RIMS2: variants seen among roughly 807,000 people sequenced by gnomAD.
RIMS2 encodes the protein regulating synaptic membrane exocytosis 2.
RIMS2 carries 59 observed loss-of-function variants against 174.4 expected under a neutral mutation model. The ratio of observed to expected loss-of-function variants is 0.34; its 90% CI spans 0.27 to 0.42. The LOEUF (loss-of-function observed/expected upper bound fraction) is 0.42, where lower values mean the gene tolerates loss of function less well. Ranked by LOEUF, RIMS2 falls within the 10% of genes least tolerant of loss-of-function variation. RIMS2 has a pLI of 1.00. For missense variants in RIMS2, 1,620 were observed against 1,666.3 expected, an observed-to-expected ratio of 0.97 and a Z score of 0.48; for synonymous variants, 606 against 572.5, an observed-to-expected ratio of 1.06 and a Z score of -0.84.
Position 104,079,590 on chromosome 8 carries a change from T to G in RIMS2, c.3334+64975T>G, listed in dbSNP as rs1409546665. On this transcript the variant is annotated intron_variant, in intron 19 of 23. Coordinates refer to ENST00000504942, the Ensembl canonical transcript of RIMS2. ...ATCAAATTTCACATAACTGAAAGGATTAAGCATGATATATATATATATATA... is the reference window on the plus strand; with the variant it reads ...ATCAAATTTCACATAACTGAAAGGAGTAAGCATGATATATATATATATATA... Among the ~76,000 whole-genome samples the G allele has an allele frequency of 2.7e-5, 3 of 111,088 alleles. No homozygotes were observed. The Admixed American group carries it at 3.3e-4, about 12-fold the overall frequency. 72.9% of individuals were successfully genotyped at this position (111,088 alleles called of 152,430 possible). A position where few individuals can be genotyped will look rare whatever the true frequency, so the allele number is the denominator to read the frequency against.
intron 2 of RIMS2, among the ~76,000 whole-genome samples, chr8:103,738,344 A>C (rs1591396996): frequency 6.6e-6 from 1 of 152,194 alleles, no homozygotes; most frequent in Non-Finnish European, 1.5e-5. Flanking sequence ...GAAAGCTGAA[A>C]ATGGATCCCT....
chr8:104,020,675 TC>T (rs946079785), intron 19 of RIMS2, among the ~76,000 whole-genome samples: 1 of 151,946 alleles, frequency 6.6e-6, no homozygotes, highest in Non-Finnish European at 1.5e-5. Flanking sequence ...TATTTTTCAA[TC>T]CAGAAATTGT....
At chr8:103,555,329 A>T (rs1849913989) in intron 1 of RIMS2, among the ~76,000 whole-genome samples, 1 of 152,184 alleles carries the variant, frequency 6.6e-6, no homozygotes, top group Admixed American at 6.6e-5. Context: ...ATTACCTCAC[A>T]ACTATTAGAA....
chr8:103,608,209 C>A (rs1377669320), intron 1 of RIMS2, among the ~76,000 whole-genome samples: 1 of 143,188 alleles, frequency 7.0e-6, no homozygotes, highest in Admixed American at 6.8e-5. Context: ...GTTAGTTTTC[C>A]TTCTAACAGA....
At chr8:103,853,935 T>C (rs2099013007) in intron 3 of RIMS2, among the ~76,000 whole-genome samples, 2 of 152,048 alleles carry the variant, frequency 1.3e-5, no homozygotes, top group South Asian at 4.1e-4. Context: ...ATGACATTGG[T>C]AGTTTGGTAG....
intron 19 of RIMS2, among the ~76,000 whole-genome samples, chr8:104,192,683 C>T (rs2099003822): frequency 6.6e-6 from 1 of 152,066 alleles, no homozygotes; most frequent in Non-Finnish European, 1.5e-5. Context: ...TGAAGAGATC[C>T]ATGTGATATT....
chr8:104,236,621 T>A lies in RIMS2; in HGVS notation c.3335-8295T>A, dbSNP rs546324444. Among the ~76,000 whole-genome samples, 81 of 152,194 alleles carry A rather than the reference T, an allele frequency of 5.3e-4. No homozygotes were observed. In the Middle Eastern group the frequency reaches 0.01, roughly 19 times the overall value. On this transcript the variant is annotated intron_variant, in intron 19 of 23. Transcript: ENST00000504942. Reference sequence around the variant, plus strand: ...AGACAAGTATTTTCAATTTATATAGTTTTTACTGAAAATAAGTGGTTTTAT... The same window carrying A: ...AGACAAGTATTTTCAATTTATATAGATTTTACTGAAAATAAGTGGTTTTAT...
intron 19 of RIMS2, among the ~76,000 whole-genome samples, chr8:104,102,829 C>T (rs909210828): frequency 6.6e-6 from 1 of 152,192 alleles, no homozygotes; most frequent in Non-Finnish European, 1.5e-5. Context: ...CACCCAATCC[C>T]TCCAATGACA....
Position 103,783,376 on chromosome 8 carries a change from C to T in RIMS2, c.698+16839C>T, listed in dbSNP as rs1409922556. Among the ~76,000 whole-genome samples, 50 of 150,502 alleles carry T rather than the reference C, an allele frequency of 3.3e-4. 1 individual carries two copies. Among genetic ancestry groups the T allele is most frequent in the Non-Finnish European group, 1.3e-4 (9 of 67,728 alleles). On this transcript the variant is annotated intron_variant, in intron 3 of 23. Transcript: ENST00000504942. ...TGCTGGTGCGCTGCACCCACTAACT[C>T]GTCATCTAGCATTAGGTATATCTCC...
intron 19 of RIMS2, among the ~76,000 whole-genome samples, chr8:104,097,541 G>A (rs1018114207): frequency 4.6e-5 from 7 of 151,574 alleles, no homozygotes; most frequent in African/African-American, 1.7e-4. Flanking sequence ...CAGTGAAAAG[G>A]TAATGTGTTC....
chr8:104,219,088 A>G (rs922442775), intron 19 of RIMS2, among the ~76,000 whole-genome samples: 1 of 152,246 alleles, frequency 6.6e-6, no homozygotes, highest in Admixed American at 6.5e-5. Context: ...CATAAATGAC[A>G]TGTAACTTTC....
chr8:103,814,855 T>C (rs116097677), intron 3 of RIMS2, among the ~76,000 whole-genome samples: 336 of 152,280 alleles, frequency 2.2e-3, no homozygotes, highest in African/African-American at 7.7e-3. Context: ...TCTCAAAATA[T>C]CTATATCTAT....
chr8:103,563,395 C>T (rs1245274813), intron 1 of RIMS2, among the ~76,000 whole-genome samples: 1 of 152,154 alleles, frequency 6.6e-6, no homozygotes, highest in Non-Finnish European at 1.5e-5. Context: ...ATCTCTAGGG[C>T]AGGGGTAAAA....
At chr8:103,752,800 C>T (rs1309044768) in intron 2 of RIMS2, among the ~76,000 whole-genome samples, 7 of 152,132 alleles carry the variant, frequency 4.6e-5, no homozygotes, top group African/African-American at 1.4e-4. Flanking sequence ...TGAGACTTTG[C>T]TGAAGTTACT....
At chr8:104,236,907 A>T (rs1385042696) in intron 19 of RIMS2, among the ~76,000 whole-genome samples, 1 of 152,148 alleles carries the variant, frequency 6.6e-6, no homozygotes, top group African/African-American at 2.4e-5. Flanking sequence ...AATATTAGTT[A>T]ATTGCCACAA....
chr8:103,699,128 T>A (rs2097140287), intron 2 of RIMS2, among the ~76,000 whole-genome samples: 1 of 152,236 alleles, frequency 6.6e-6, no homozygotes, highest in African/African-American at 2.4e-5. Flanking sequence ...TGGCCTAAAC[T>A]TGTTCATAGT....
intron 2 of RIMS2, among the ~76,000 whole-genome samples, chr8:103,697,581 A>G (rs906933263): frequency 2.0e-5 from 3 of 151,274 alleles, no homozygotes; most frequent in Non-Finnish European, 4.4e-5. Context: ...CACAAAAATT[A>G]GCCAGGCATG....
intron 9 of RIMS2, 51 bp downstream of exon 12, chr8:103,918,538 A>T: frequency 9.0e-6 from 11 of 1,221,424 alleles, no homozygotes; most frequent in Non-Finnish European, 1.3e-5. Flanking sequence ...TGCATTCATC[A>T]GAGATCAGAT....
At chr8:103,956,280 T>C (rs55732523) in intron 14 of RIMS2, among the ~76,000 whole-genome samples, 19,305 of 151,500 alleles carry the variant, frequency 0.13, 1,692 homozygotes, top group Non-Finnish European at 0.19. Flanking sequence ...CAAAAAAGAG[T>C]CCACATAGCC....
Sources: gnomAD v4.1 joint callset for allele counts (sites outside exome capture counted in the v4.1 genomes callset) on GRCh38, gnomAD v4.1.1 for gene constraint, MANE v1.5 for transcripts, NCBI Gene and HGNC (gene_info 2026-07-23, HGNC 2026-07-21) for gene names.